ZSCAN30: variants seen among roughly 807,000 people sequenced by gnomAD.
ZSCAN30 encodes the protein zinc finger and SCAN domain-containing protein 30.
A neutral mutation model predicts 44.3 loss-of-function variants in ZSCAN30; 37 were observed. That is an observed-to-expected ratio of 0.84 (90% CI 0.64 to 1.10). The LOEUF (loss-of-function observed/expected upper bound fraction) is 1.10. Among genes scored for constraint, ZSCAN30 ranks in the 50% least tolerant of loss-of-function variants. The pLI, the probability that ZSCAN30 is intolerant of heterozygous loss-of-function variation, is 0.00. For missense variants in ZSCAN30, 549 were observed against 582.6 expected (o/e 0.94, Z 0.59); for synonymous variants, 181 against 204.6 (o/e 0.88, Z 0.98).
At chr18:35,281,036 CT>C (rs2044446485) in intron 1 of ZSCAN30, 1 of 152,184 alleles carries the variant, frequency 6.6e-6, no homozygotes, top group Non-Finnish European at 1.5e-5. Context: ...AGTTTTCATC[CT>C]TTTCTCAAAT....
chr18:35,279,766 C>A (rs946729885), intron 1 of ZSCAN30, among the ~76,000 whole-genome samples: 3 of 152,166 alleles, frequency 2.0e-5, no homozygotes, highest in Admixed American at 6.5e-5. Flanking sequence ...GCCCTTATAA[C>A]CTAATTACCT....
At position 35,254,127 on chromosome 18, in the gene ZSCAN30, G is replaced by C. The variant is rs746722744; in HGVS notation, c.808C>G (p.His270Asp). 1.2e-6 allele frequency: 2 copies of C among 1,614,172 alleles called. No homozygotes were observed. The highest frequency in any genetic ancestry group is 1.7e-6 in the Non-Finnish European group (2 of 1,180,008). Residue 270 changes from histidine to aspartate, a missense_variant, in exon 4 of 4, where the codon CAC (histidine) becomes GAC (aspartate). Physicochemically the swap from His to Asp is moderately conservative, Grantham distance 81 (BLOSUM62 -1). Coordinates refer to ENST00000333206, the MANE Select transcript of ZSCAN30 (RefSeq NM_001112734.4). ...ATFNRRIPTE[H>D]SVLESHESEG... Reference sequence around the variant, plus strand: ...CTCTCATGAGATTCAAGGACACTGTGTTCTGTGGGGATTCTTCTGTTGAAG... The same window carrying C: ...CTCTCATGAGATTCAAGGACACTGTCTTCTGTGGGGATTCTTCTGTTGAAG...
intron 3 of ZSCAN30, 91 bp from the exon 4 acceptor site, chr18:35,254,472 A>G: frequency 1.3e-6 from 2 of 1,590,392 alleles, no homozygotes; most frequent in Non-Finnish European, 1.7e-6. Context: ...TGAAATAGGT[A>G]TTTATTTATT....
intron 1 of ZSCAN30, chr18:35,284,331 T>G (rs2143780766): frequency 6.5e-6 from 1 of 153,026 alleles, no homozygotes; most frequent in Admixed American, 6.5e-5. Flanking sequence ...GCCTGGCCAT[T>G]AGGCTTCAGG....
At position 35,274,284 on chromosome 18, in the gene ZSCAN30, G is replaced by A. The variant is rs531482540; in HGVS notation, c.-103-9829C>T. Among the ~76,000 whole-genome samples, 181 of 152,078 alleles carry A rather than the reference G, an allele frequency of 1.2e-3. 1 individual carries two copies. Among genetic ancestry groups the A allele is most frequent in the East Asian group, 7.4e-3 (38 of 5,150 alleles). On this transcript the variant is annotated intron_variant, in intron 1 of 3. Coordinates refer to ENST00000333206, the MANE Select transcript of ZSCAN30 (RefSeq NM_001112734.4). ...GATCTCCTGACCTCGTGATCTGCCC[G>A]CCTCAGCCTCCCAAAGTGCTGGGAT...
intron 1 of ZSCAN30, among the ~76,000 whole-genome samples, chr18:35,270,674 C>A (rs190637216): frequency 6.6e-6 from 1 of 152,110 alleles, no homozygotes; most frequent in African/African-American, 2.4e-5. Context: ...TCCCCCTCCG[C>A]GGCTCAAGCA....
intron 3 of ZSCAN30, chr18:35,255,035 T>G (rs547204324): frequency 6.5e-6 from 1 of 153,744 alleles, no homozygotes; most frequent in African/African-American, 2.4e-5. Context: ...TAAAAAAAAT[T>G]TTGCACTTAA....
intron 1 of ZSCAN30, among the ~76,000 whole-genome samples, chr18:35,274,121 T>G (rs1012150693): frequency 2.0e-5 from 3 of 152,156 alleles, no homozygotes; most frequent in African/African-American, 7.2e-5. Flanking sequence ...GTTCACACCA[T>G]TCTCCTGCCT....
In ZSCAN30 at chr18:35,289,055, C is replaced by T. The variant is rs551580998; in HGVS notation, c.-104+1029G>A. On this transcript the variant is annotated intron_variant, in intron 1 of 3. Transcript: ENST00000333206. ...CAATCTCGGCTCACTGCAACCTCCGCCTCCTGGGTTCATGGGTTCACGCGA... is the reference window on the plus strand; with the variant it reads ...CAATCTCGGCTCACTGCAACCTCCGTCTCCTGGGTTCATGGGTTCACGCGA... 4.6e-5 allele frequency among the ~76,000 whole-genome samples: 7 copies of T among 152,220 alleles called. No homozygotes were observed. In the South Asian group the frequency reaches 8.3e-4, roughly 18 times the overall value.
In ZSCAN30 at chr18:35,269,078, G is replaced by T. The variant is rs189112887; in HGVS notation, c.-103-4623C>A. 5 of 152,312 alleles carry T rather than the reference G, an allele frequency of 3.3e-5. No individual in the cohort carries two copies. In the South Asian group the frequency reaches 8.3e-4, roughly 25 times the overall value. The allele number at this position is 152,312 out of a possible 1,614,324, so 9.4% of individuals were successfully genotyped here. A position where few individuals can be genotyped will look rare whatever the true frequency, so the allele number is the denominator to read the frequency against. On this transcript the variant is annotated intron_variant, in intron 1 of 3. Coordinates refer to ENST00000333206, the MANE Select transcript of ZSCAN30 (RefSeq NM_001112734.4). ...ATGTCAGATGACTCTGACCACAAAG[G>T]TGTTAATCAGAAGATGTTACAGTTG...
intron 1 of ZSCAN30, among the ~76,000 whole-genome samples, chr18:35,272,039 A>C (rs1379239306): frequency 6.6e-6 from 1 of 152,148 alleles, no homozygotes; most frequent in Non-Finnish European, 1.5e-5. Context: ...AGAGGGAGCC[A>C]GCTCCCCCTC....
rs749290517 is a variant in ZSCAN30, at chr18:35,254,267, C to T, written c.668G>A (p.Arg223Gln). The change falls in exon 4 of 4, where the codon CGG becomes CAG. Residue 223 changes from arginine to glutamine, a missense_variant. Arg to Gln is a conservative substitution (Grantham distance 43). Coordinates refer to ENST00000333206, the MANE Select transcript of ZSCAN30 (RefSeq NM_001112734.4). Reference protein sequence around the residue: ...GKLPGETHSQRIAEEALGGLD... With the variant: ...GKLPGETHSQQIAEEALGGLD... ...ACCTCCCAAAGCTTCTTCAGCTATCCGTTGGGAATGTGTTTCTCCAGGAAG... is the reference window on the plus strand; with the variant it reads ...ACCTCCCAAAGCTTCTTCAGCTATCTGTTGGGAATGTGTTTCTCCAGGAAG... 8.1e-6 allele frequency: 13 copies of T among 1,614,130 alleles called. 1 individual carries two copies. Among genetic ancestry groups the T allele is most frequent in the Middle Eastern group, 1.7e-4 (1 of 6,060 alleles).
chr18:35,261,732 A>T (rs533254448), intron 3 of ZSCAN30: 1 of 152,196 alleles, frequency 6.6e-6, no homozygotes, highest in African/African-American at 2.4e-5. Context: ...TGATTTTTGC[A>T]CATTAATTTT....
In ZSCAN30 at chr18:35,263,225, T is replaced by C. The variant is rs772714434; in HGVS notation, c.553+288A>G. The C allele has an allele frequency of 1.3e-4, 44 of 344,838 alleles. 2 individuals are homozygous for C. The highest frequency in any genetic ancestry group is 1.2e-3 in the South Asian group (36 of 29,836). 21.4% of individuals were successfully genotyped at this position (344,838 alleles called of 1,614,324 possible). ...CACCACTGCACTCCAACCTGGGTGA[T>C]AGAGTGAGACCCCATCTAAAAAAAA... On this transcript the variant is annotated intron_variant, in intron 3 of 3. Coordinates refer to ENST00000333206, the MANE Select transcript of ZSCAN30 (RefSeq NM_001112734.4).
chr18:35,260,543 T>C (rs1598620925), intron 3 of ZSCAN30: 1 of 152,374 alleles, frequency 6.6e-6, no homozygotes, highest in African/African-American at 2.4e-5. Flanking sequence ...GACTTTTTAA[T>C]AATCGCCATT....
chr18:35,259,639 C>A (rs575448321), intron 3 of ZSCAN30: 9 of 154,318 alleles, frequency 5.8e-5, no homozygotes, highest in Middle Eastern at 5.4e-4. Context: ...TAAAAAAATG[C>A]AGTCATACTC....
chr18:35,273,029 G>C (rs907137623), intron 1 of ZSCAN30, among the ~76,000 whole-genome samples: 7 of 152,172 alleles, frequency 4.6e-5, no homozygotes, highest in African/African-American at 1.7e-4. Context: ...GGGAATTATG[G>C]GAGTACAATT....
At chr18:35,257,575 T>C (rs1344266789) in intron 3 of ZSCAN30, 2 of 276,010 alleles carry the variant, frequency 7.2e-6, no homozygotes, top group African/African-American at 2.2e-5. Context: ...TGCTAGCACC[T>C]TGAACTTCTC....
At position 35,253,034 on chromosome 18, in the gene ZSCAN30, T is replaced by G. The variant is rs1468355697; in HGVS notation, c.*416A>C. On this transcript the variant is annotated 3_prime_UTR_variant, in exon 4 of 4. Transcript: ENST00000333206. ...AGATAGTTGAATAACTCTCAGCACATGCCTCCACCTGACAAAATACAAATG... is the reference window on the plus strand; with the variant it reads ...AGATAGTTGAATAACTCTCAGCACAGGCCTCCACCTGACAAAATACAAATG... The G allele has an allele frequency of 6.2e-6, 1 of 161,972 alleles. No individual in the cohort carries two copies. Among genetic ancestry groups the G allele is most frequent in the East Asian group, 1.8e-4 (1 of 5,444 alleles). The allele number at this position is 161,972 out of a possible 1,614,324, so 10.0% of individuals were successfully genotyped here.
Sources: allele counts gnomAD v4.1 joint callset (sites outside exome capture counted in the v4.1 genomes callset), GRCh38; gene constraint gnomAD v4.1.1; transcripts MANE v1.5; gene names NCBI Gene and HGNC (gene_info 2026-07-23, HGNC 2026-07-21).